The following PIP5K1C variants were observed in gnomAD, a reference collection of about 807,000 sequenced individuals.
PIP5K1C encodes phosphatidylinositol 4-phosphate 5-kinase type-1 gamma.
A neutral mutation model predicts 80.1 loss-of-function variants in PIP5K1C; 45 were observed. The ratio of observed to expected loss-of-function variants is 0.56; its 90% CI spans 0.44 to 0.72. The LOEUF is 0.72. PIP5K1C is among the 30% of genes least tolerant of loss of function. The probability of loss-of-function intolerance (pLI) is 0.00; values close to 1 mark genes in which losing one functional copy is unlikely to be tolerated. For missense variants in PIP5K1C, 753 were observed against 954.6 expected (o/e 0.79, Z 2.78); for synonymous variants, 498 against 420.1 (o/e 1.19, Z -2.27).
At chr19:3,669,219 T>C (rs928080200) in intron 1 of PIP5K1C, among the ~76,000 whole-genome samples, 1 of 152,158 alleles carries the variant, frequency 6.6e-6, no homozygotes, top group Non-Finnish European at 1.5e-5. Context: ...ACACTCAGGC[T>C]GCGCCGGAGT....
At position 3,688,302 on chromosome 19, in the gene PIP5K1C, C is replaced by A. The variant is rs1050129848; in HGVS notation, c.94+11995G>T. Among the ~76,000 whole-genome samples, 3 of 152,194 alleles carry A rather than the reference C, an allele frequency of 2.0e-5. No individual in the cohort carries two copies. Among genetic ancestry groups the A allele is most frequent in the African/African-American group, 7.2e-5 (3 of 41,460 alleles). On this transcript the variant is annotated intron_variant, in intron 1 of 17. Transcript: ENST00000335312. The surrounding 1 kb of genome is among the most constrained non-coding windows in gnomAD (Gnocchi z 5.3). ...TCCCTGAAGGGAATTCCTTCCAGAG[C>A]CTGAGGTTAGGCCGTGGTGGGAAAC... is the stretch of plus-strand genomic sequence containing the variant.
intron 3 of PIP5K1C, among the ~76,000 whole-genome samples, chr19:3,664,585 G>A (rs1431616379): frequency 6.6e-6 from 1 of 152,194 alleles, no homozygotes; most frequent in African/African-American, 2.4e-5. Context: ...CCGGGCAGGC[G>A]TTGCAGCCAG....
chr19:3,687,942 T>A (rs949450401), intron 1 of PIP5K1C, among the ~76,000 whole-genome samples: 4 of 151,944 alleles, frequency 2.6e-5, no homozygotes, highest in African/African-American at 9.7e-5. Flanking sequence ...AGGGCCCCAA[T>A]GTCCAGGGAG....
At chr19:3,676,176 G>A (rs2035352018) in intron 1 of PIP5K1C, among the ~76,000 whole-genome samples, 1 of 152,174 alleles carries the variant, frequency 6.6e-6, no homozygotes, top group Non-Finnish European at 1.5e-5. Context: ...AACCCATACA[G>A]GCCTGGCATG....
intron 1 of PIP5K1C, among the ~76,000 whole-genome samples, chr19:3,679,889 G>A (rs1028362389): frequency 3.9e-5 from 6 of 152,226 alleles, no homozygotes; most frequent in Admixed American, 1.3e-4. Flanking sequence ...GAACGTGCCC[G>A]GCATGTTGCA....
At position 3,643,357 on chromosome 19, in the gene PIP5K1C, G is replaced by A. The variant is rs1401611454; in HGVS notation, c.1535C>T (p.Thr512Met). Residue 512 changes from threonine to methionine, a missense_variant, in exon 13 of 18, where the codon ACG (threonine) becomes ATG (methionine). By Grantham distance (81) the Thr-to-Met change is moderately conservative. Transcript: ENST00000335312. ...AGTGGCTTCTTCGAAAGAAGGTGGC[G>A]TGCAGGGCAGGAGGTCGGGCCGGCC... is the stretch of plus-strand genomic sequence containing the variant. ...DEGRPDLLPC[T>M]PPSFEEATTA... 3.7e-6 allele frequency: 6 copies of A among 1,613,646 alleles called. No homozygotes were observed. Among genetic ancestry groups the A allele is most frequent in the East Asian group, 2.2e-5 (1 of 44,890 alleles).
chr19:3,667,004 C>G (rs1376336747), intron 2 of PIP5K1C, among the ~76,000 whole-genome samples: 1 of 151,506 alleles, frequency 6.6e-6, no homozygotes, highest in Non-Finnish European at 1.5e-5. Context: ...CCACCGCCCA[C>G]CCCCCAGAAT....
intron 3 of PIP5K1C, among the ~76,000 whole-genome samples, chr19:3,663,155 C>G (rs970224208): frequency 1.3e-5 from 2 of 152,290 alleles, no homozygotes; most frequent in African/African-American, 4.8e-5. Flanking sequence ...AGTGAGCCTC[C>G]GCGCCCGGCC....
intron 5 of PIP5K1C, among the ~76,000 whole-genome samples, chr19:3,656,844 T>A (rs2145465329): frequency 6.6e-6 from 1 of 152,316 alleles, no homozygotes; most frequent in East Asian, 1.9e-4. Flanking sequence ...ACCGGGGTGC[T>A]GACGCGCGTG....
intron 1 of PIP5K1C, among the ~76,000 whole-genome samples, chr19:3,683,234 A>C (rs1240374653): frequency 2.0e-5 from 3 of 152,174 alleles, no homozygotes; most frequent in Admixed American, 2.0e-4. Flanking sequence ...CCTCTGCAAC[A>C]GTGCAGACAG....
intron 1 of PIP5K1C, among the ~76,000 whole-genome samples, chr19:3,668,939 C>A (rs2035110724): frequency 6.6e-6 from 1 of 152,222 alleles, no homozygotes; most frequent in African/African-American, 2.4e-5. Context: ...CAGGCTCATG[C>A]AGAGGCGGGT....
intron 16 of PIP5K1C, among the ~76,000 whole-genome samples, chr19:3,634,898 C>T (rs943767493): frequency 6.6e-6 from 1 of 152,286 alleles, no homozygotes; most frequent in Non-Finnish European, 1.5e-5. Context: ...GGACTGACTC[C>T]TGCACTGAGG....
At chr19:3,682,866 T>G (rs1188137412) in intron 1 of PIP5K1C, among the ~76,000 whole-genome samples, 1 of 151,954 alleles carries the variant, frequency 6.6e-6, no homozygotes, top group Middle Eastern at 3.2e-3. Flanking sequence ...ACTCAGAAAC[T>G]GTGTGAGGTC....
intron 1 of PIP5K1C, among the ~76,000 whole-genome samples, chr19:3,676,937 C>CA (rs1157211165): frequency 2.0e-5 from 3 of 151,608 alleles, no homozygotes; most frequent in East Asian, 3.9e-4. Context: ...CCCATCTCTA[C>CA]AAAAAAATTT....
intron 3 of PIP5K1C, among the ~76,000 whole-genome samples, chr19:3,664,222 G>C (rs1013538097): frequency 6.6e-6 from 1 of 152,238 alleles, no homozygotes; most frequent in Non-Finnish European, 1.5e-5. Flanking sequence ...GAGTCGGGAT[G>C]GGGGTGACTG....
intron 16 of PIP5K1C, chr19:3,636,734 G>C (rs1415324459): frequency 2.0e-6 from 2 of 986,792 alleles, no homozygotes; most frequent in African/African-American, 1.7e-5. Context: ...GCTCGGAGAG[G>C]TTTGCTGATG....
intron 15 of PIP5K1C, among the ~76,000 whole-genome samples, chr19:3,641,344 T>C (rs1237509317): frequency 1.3e-5 from 2 of 152,240 alleles, no homozygotes; most frequent in Non-Finnish European, 2.9e-5. Context: ...CCAGGGTCTC[T>C]TGCCTGGGCC....
intron 1 of PIP5K1C, chr19:3,672,541 G>GGACACTGA (rs1476023737): frequency 6.6e-6 from 1 of 152,494 alleles, no homozygotes; most frequent in Non-Finnish European, 1.5e-5. Flanking sequence ...TGTCTGACAT[G>GGACACTGA]GACACTGAGG....
chr19:3,637,320 C>T lies in PIP5K1C; in HGVS notation c.1920+1564G>A, dbSNP rs1378037594. On this transcript the variant is annotated intron_variant, in intron 16 of 17. Transcript: ENST00000335312. The surrounding 1 kb of genome is among the most constrained non-coding windows in gnomAD (Gnocchi z 7.0). The stretch of plus-strand genomic sequence containing the variant: ...GTGCTGCCCTATGGAGCGCCCGGTT[C>T]GACGTGGGACCGAATGACATTCCCA... 4.6e-6 allele frequency: 7 copies of T among 1,526,268 alleles called. No homozygotes were observed. Among genetic ancestry groups the T allele is most frequent in the African/African-American group, 4.1e-5 (3 of 72,924 alleles). 94.5% of individuals were successfully genotyped at this position (1,526,268 alleles called of 1,614,324 possible).
Sources: gnomAD v4.1 joint callset for allele counts (sites outside exome capture counted in the v4.1 genomes callset) on GRCh38, gnomAD v4.1.1 for gene constraint, Gnocchi (gnomAD v3.1) non-coding constraint, MANE v1.5 for transcripts, NCBI Gene and HGNC (gene_info 2026-07-23, HGNC 2026-07-21) for gene names.